The following CDH23 variants were observed in gnomAD, a reference collection of about 807,000 sequenced individuals.
CDH23 encodes cadherin related 23, also known as cadherin-23.
In CDH23, 189 loss-of-function variants were observed where a neutral mutation model predicts 317.1. The ratio of observed to expected loss-of-function variants is 0.60; its 90% CI spans 0.53 to 0.67. The LOEUF (loss-of-function observed/expected upper bound fraction) is 0.67. Among genes scored for constraint, CDH23 ranks in the 30% least tolerant of loss-of-function variants. The pLI is 0.00. For synonymous variants in CDH23, 1,839 were observed against 1,876.8 expected (o/e 0.98, Z 0.52); for missense variants, 4,401 against 4,592.4 (o/e 0.96, Z 1.20).
At chr10:71,663,576 C>T (rs567480558) in intron 14 of CDH23, among the ~76,000 whole-genome samples, 18 of 152,294 alleles carry the variant, frequency 1.2e-4, no homozygotes, top group African/African-American at 4.1e-4. Context: ...TTTCTTGCCC[C>T]GTGTGGGAAC....
At position 71,397,124 on chromosome 10, in the gene CDH23, TGCGAGCGGCGAGCG is replaced by T. The variant is rs527578984; in HGVS notation, c.-183_-170del. 1.2e-3 allele frequency: 213 copies of T among 175,596 alleles called. 1 individual carries two copies. The highest frequency in any genetic ancestry group is 6.2e-3 in the Middle Eastern group (2 of 324). The allele number at this position is 175,596 out of a possible 1,614,324, so 10.9% of individuals were successfully genotyped here. A position where few individuals can be genotyped will look rare whatever the true frequency, so the allele number is the denominator to read the frequency against. On this transcript the variant is annotated 5_prime_UTR_variant, in exon 1 of 70. Transcript: ENST00000224721. This position sits in a 1 kb window ranked among gnomAD's most constrained non-coding sequence, Gnocchi z 4.8. ...TCCGAGCCCCCGGCGCGCCTGAAGT[TGCGAGCGGCGAGCG>T]GCGAGCGGCGAGCGGCCCGCGGAGA...
At position 71,704,961 on chromosome 10, in the gene CDH23, C is replaced by T. The variant is rs1865723412; in HGVS notation, c.2784C>T (p.Arg928=). The T allele has an allele frequency of 6.2e-6, 10 of 1,612,950 alleles. No individual in the cohort carries two copies. Among genetic ancestry groups the T allele is most frequent in the Non-Finnish European group, 8.5e-6 (10 of 1,179,868 alleles). The part of the protein sequence containing the change: ...DEGLNGLVSY[R]MPVGMPRMDF... ...GCCTGAACGGCCTGGTGTCCTACCG[C>T]ATGCCGGTGGGCATGCCCCGCATGG... The change falls in exon 25 of 70, where the codon CGC becomes CGT. Residue 928 remains arginine (R), a synonymous_variant. Coordinates refer to ENST00000224721, the MANE Select transcript of CDH23 (RefSeq NM_022124.6).
At chr10:71,712,233 C>T (rs1296842673) in intron 27 of CDH23, 1 of 164,250 alleles carries the variant, frequency 6.1e-6, no homozygotes, top group East Asian at 1.6e-4. Context: ...ACCCAGCTCA[C>T]CCAGGATGAT....
intron 35 of CDH23, 109 bp from the exon 36 acceptor site, chr10:71,739,535 T>A (rs1375291676): frequency 7.2e-7 from 1 of 1,386,580 alleles, no homozygotes; most frequent in African/African-American, 1.4e-5. Context: ...AAGCCCTTGC[T>A]CAACAGAGGG....
intron 28 of CDH23, chr10:71,716,520 A>G (rs2132772004): frequency 1.8e-6 from 1 of 545,684 alleles, no homozygotes; most frequent in East Asian, 3.2e-5. Context: ...GTCTAAGTGT[A>G]CACACAGCTG....
chr10:71,420,801 G>A (rs1463229902), intron 1 of CDH23, among the ~76,000 whole-genome samples: 2 of 152,084 alleles, frequency 1.3e-5, no homozygotes, highest in Non-Finnish European at 2.9e-5. Context: ...TAGCAAGTTT[G>A]GCAGTCAGCC....
chr10:71,631,108 G>T (rs1024681689), intron 11 of CDH23, among the ~76,000 whole-genome samples: 8 of 152,178 alleles, frequency 5.3e-5, no homozygotes, highest in Non-Finnish European at 1.2e-4. Context: ...AGCTAGGCAT[G>T]GTGGCGCACA....
At chr10:71,736,699 A>T (rs1386905046) in intron 34 of CDH23, among the ~76,000 whole-genome samples, 1 of 152,194 alleles carries the variant, frequency 6.6e-6, no homozygotes, top group Non-Finnish European at 1.5e-5. Context: ...TCAGAGCAGT[A>T]GTCATTGTGG....
chr10:71,812,443 T>TACCAAC, intron 66 of CDH23, 37 bp from the exon 67 acceptor site: 1 of 1,538,034 alleles, frequency 6.5e-7, no homozygotes, highest in Non-Finnish European at 8.9e-7. Context: ...ACTCGAGCCT[T>TACCAAC]CCCTCCCTCC....
chr10:71,544,599 A>G (rs1856168970), intron 6 of CDH23, among the ~76,000 whole-genome samples: 1 of 152,196 alleles, frequency 6.6e-6, no homozygotes, highest in Admixed American at 6.5e-5. Context: ...CCGGGATGGA[A>G]AAGAGGAGGA....
At chr10:71,404,239 C>G (rs1045982544) in intron 1 of CDH23, among the ~76,000 whole-genome samples, 1 of 152,226 alleles carries the variant, frequency 6.6e-6, no homozygotes, top group African/African-American at 2.4e-5. Context: ...TCTCCAGTGC[C>G]TTGGCAGGCT....
chr10:71,457,017 C>T (rs1421419112), intron 3 of CDH23, among the ~76,000 whole-genome samples: 1 of 152,216 alleles, frequency 6.6e-6, no homozygotes, highest in Non-Finnish European at 1.5e-5. Flanking sequence ...GACCACCTCA[C>T]ACCAGGCAAG....
At chr10:71,493,622 G>A (rs887981193) in intron 3 of CDH23, among the ~76,000 whole-genome samples, 1 of 152,194 alleles carries the variant, frequency 6.6e-6, no homozygotes, top group Non-Finnish European at 1.5e-5. Flanking sequence ...GGGGAAGGCT[G>A]TATTTTCTTT....
chr10:71,420,407 ATGATGATGGTG>A (rs1848703844), intron 1 of CDH23, among the ~76,000 whole-genome samples: 1 of 146,072 alleles, frequency 6.8e-6, no homozygotes, highest in Non-Finnish European at 1.5e-5. Flanking sequence ...GGTGATGGTG[ATGATGATGGTG>A]ATGGTGATGA....
chr10:71,759,481 T>C (rs1352579308), intron 38 of CDH23, among the ~76,000 whole-genome samples: 1 of 151,448 alleles, frequency 6.6e-6, no homozygotes, highest in African/African-American at 2.4e-5. Flanking sequence ...CATTCCAGCC[T>C]GAGTGACAGA....
At chr10:71,422,081 A>G (rs965379039) in intron 1 of CDH23, among the ~76,000 whole-genome samples, 1 of 152,248 alleles carries the variant, frequency 6.6e-6, no homozygotes, top group African/African-American at 2.4e-5. Flanking sequence ...TGAGGAGCCA[A>G]CTATAGTAAT....
intron 6 of CDH23, among the ~76,000 whole-genome samples, chr10:71,536,168 A>C (rs2132274597): frequency 6.6e-6 from 1 of 152,388 alleles, no homozygotes; most frequent in African/African-American, 2.4e-5. Context: ...ACAAGGAGGC[A>C]CAGGGAGGGT....
intron 25 of CDH23, among the ~76,000 whole-genome samples, chr10:71,706,665 G>C (rs1298425137): frequency 2.6e-5 from 4 of 152,238 alleles, no homozygotes; most frequent in Admixed American, 1.3e-4. Context: ...AAGCCCCCAG[G>C]GCACAGGGAC....
At chr10:71,515,092 G>T (rs913037857) in intron 6 of CDH23, among the ~76,000 whole-genome samples, 1 of 152,192 alleles carries the variant, frequency 6.6e-6, no homozygotes, top group Non-Finnish European at 1.5e-5. Flanking sequence ...GTTTAGGCAG[G>T]AGGATGGGTG....
Sources: gnomAD v4.1 joint callset for allele counts (sites outside exome capture counted in the v4.1 genomes callset) on GRCh38, gnomAD v4.1.1 for gene constraint, Gnocchi (gnomAD v3.1) non-coding constraint, MANE v1.5 for transcripts, NCBI Gene and HGNC (gene_info 2026-07-23, HGNC 2026-07-21) for gene names.